The following KCNH8 variants were observed in gnomAD, a reference collection of about 807,000 sequenced individuals.
KCNH8 encodes the protein voltage-gated delayed rectifier potassium channel KCNH8.
A neutral mutation model predicts 103.6 loss-of-function variants in KCNH8; 70 were observed. The ratio of observed to expected loss-of-function variants is 0.68; its 90% CI spans 0.56 to 0.82. KCNH8 has a LOEUF of 0.82. KCNH8 is among the 40% of genes least tolerant of loss of function. The pLI is 0.00. For missense variants in KCNH8, 1,217 were observed against 1,329.9 expected, an observed-to-expected ratio of 0.92 and a Z score of 1.32; for synonymous variants, 498 against 489.4, an observed-to-expected ratio of 1.02 and a Z score of -0.23.
intron 3 of KCNH8, among the ~76,000 whole-genome samples, chr3:19,331,332 G>T (rs1018266850): frequency 6.7e-6 from 1 of 150,192 alleles, no homozygotes; most frequent in African/African-American, 2.5e-5. Flanking sequence ...TTGCTCTGTC[G>T]CCAGGCTGGA....
rs2064672210 is a variant in KCNH8, at chr3:19,276,367, C to T, written c.311-4831C>T. On this transcript the variant is annotated intron_variant, in intron 2 of 15. Coordinates refer to ENST00000328405, the MANE Select transcript of KCNH8 (RefSeq NM_144633.3). Reference sequence around the variant, plus strand: ...ACCTGGAAATGTTTAGGTCACATAACCCTGATGCTCTTAACCCTTGGGATA... The same window carrying T: ...ACCTGGAAATGTTTAGGTCACATAATCCTGATGCTCTTAACCCTTGGGATA... 2.6e-5 allele frequency among the ~76,000 whole-genome samples: 4 copies of T among 151,850 alleles called. No homozygotes were observed. The South Asian group carries it at 8.3e-4, about 31-fold the overall frequency.
intron 5 of KCNH8, among the ~76,000 whole-genome samples, chr3:19,377,198 A>G (rs2066221162): frequency 1.3e-5 from 2 of 152,236 alleles, no homozygotes; most frequent in Non-Finnish European, 1.5e-5. Flanking sequence ...AATAAAAGAT[A>G]TTAGTGGCAA....
chr3:19,499,244 A>G (rs1383517420), intron 11 of KCNH8, among the ~76,000 whole-genome samples: 3 of 152,192 alleles, frequency 2.0e-5, no homozygotes, highest in Non-Finnish European at 4.4e-5. Flanking sequence ...TAGAGAAAAA[A>G]GAATAAAAAG....
rs755377662 is a variant in KCNH8 at position 19,513,106 on chromosome 3, A to G, written c.2216A>G (p.Asn739Ser). ...PICTRGSSSR[N>S]KKVGSNKAYL... is the part of the protein sequence containing the mutation. ...TGCACAAGGGGATCTTCTTCGCGCA[A>G]CAAGAAGGTTGGAAGCAATAAAGCC... Residue 739 changes from asparagine (N) to serine (S), a missense_variant, in exon 13 of 16, where the codon AAC becomes AGC. Physicochemically the swap from Asn to Ser is conservative, Grantham distance 46. Transcript: ENST00000328405. The G allele has an allele frequency of 6.2e-7, 1 of 1,613,906 alleles. No homozygotes were observed. The highest frequency in any genetic ancestry group is 1.1e-5 in the South Asian group (1 of 91,086).
In KCNH8 at chr3:19,301,146, G is replaced by A. The variant is rs537620067; in HGVS notation, c.442+19817G>A. On this transcript the variant is annotated intron_variant, in intron 3 of 15. Coordinates refer to ENST00000328405, the MANE Select transcript of KCNH8 (RefSeq NM_144633.3). ...CTAAAAAGTGGCAAAGCTAGGACTTGAACCCAAGCCCTATTAAGCTTGAGT... is the reference window on the plus strand; with the variant it reads ...CTAAAAAGTGGCAAAGCTAGGACTTAAACCCAAGCCCTATTAAGCTTGAGT... 1.3e-4 allele frequency among the ~76,000 whole-genome samples: 20 copies of A among 151,530 alleles called. No homozygotes were observed. The South Asian group carries it at 1.7e-3, about 13-fold the overall frequency.
chr3:19,334,237 G>A (rs1263057242), intron 3 of KCNH8, among the ~76,000 whole-genome samples: 2 of 152,176 alleles, frequency 1.3e-5, no homozygotes, highest in Middle Eastern at 3.2e-3. Flanking sequence ...TACACTCGCA[G>A]CAGCTATAGA....
At chr3:19,156,997 C>A (rs1035076365) in intron 1 of KCNH8, among the ~76,000 whole-genome samples, 51 of 134,918 alleles carry the variant, frequency 3.8e-4, no homozygotes, top group African/African-American at 1.6e-3. Context: ...AAAAGGTTTT[C>A]TTTTGTTCTA....
intron 6 of KCNH8, among the ~76,000 whole-genome samples, chr3:19,392,501 G>A (rs1440162399): frequency 1.3e-5 from 2 of 151,778 alleles, no homozygotes; most frequent in African/African-American, 4.8e-5. Flanking sequence ...GCTTGTTCAA[G>A]GTATTATGTT....
At chr3:19,258,947 C>CTATATATATATATATATA (rs71055060) in intron 2 of KCNH8, among the ~76,000 whole-genome samples, 26 of 24,794 alleles carry the variant, frequency 1.0e-3, no homozygotes, top group Non-Finnish European at 1.8e-3. Flanking sequence ...CTCTCTCTCT[C>CTATATATATATATATATA]TATATATATA....
At chr3:19,197,308 G>A (rs1016748483) in intron 1 of KCNH8, among the ~76,000 whole-genome samples, 1 of 151,750 alleles carries the variant, frequency 6.6e-6, no homozygotes, top group African/African-American at 2.4e-5. Context: ...TGTTTTCTCG[G>A]ATTTAGTTTT....
chr3:19,310,625 G>A (rs1575516882), intron 3 of KCNH8, among the ~76,000 whole-genome samples: 1 of 151,944 alleles, frequency 6.6e-6, no homozygotes, highest in Middle Eastern at 3.4e-3. Flanking sequence ...CTTTTAAAAT[G>A]AGAATAATAA....
At chr3:19,308,207 A>G (rs1274155984) in intron 3 of KCNH8, among the ~76,000 whole-genome samples, 2 of 151,760 alleles carry the variant, frequency 1.3e-5, no homozygotes, top group South Asian at 2.1e-4. Context: ...AAGAATTGCT[A>G]CTTATATATT....
intron 1 of KCNH8, among the ~76,000 whole-genome samples, chr3:19,211,439 G>A (rs1201050053): frequency 3.3e-5 from 5 of 152,144 alleles, no homozygotes; most frequent in Admixed American, 6.6e-5. Flanking sequence ...AAAAAGGCAG[G>A]ATGGTGTGAA....
chr3:19,346,955 G>C (rs556381276), intron 4 of KCNH8, among the ~76,000 whole-genome samples: 5 of 152,160 alleles, frequency 3.3e-5, no homozygotes, highest in Non-Finnish European at 7.4e-5. Context: ...TGCATTCAAA[G>C]TGAAGTGCTT....
At chr3:19,492,186 G>A (rs1016216770) in intron 11 of KCNH8, among the ~76,000 whole-genome samples, 7 of 151,914 alleles carry the variant, frequency 4.6e-5, no homozygotes, top group Non-Finnish European at 7.4e-5. Flanking sequence ...TAATTAGATC[G>A]GACTTGTCAT....
intron 1 of KCNH8, among the ~76,000 whole-genome samples, chr3:19,218,873 T>C (rs557382723): frequency 2.6e-5 from 4 of 152,286 alleles, no homozygotes; most frequent in African/African-American, 9.6e-5. Context: ...TGTCCAAATT[T>C]CCTCTTTTTA....
chr3:19,200,074 T>C (rs11918685), intron 1 of KCNH8, among the ~76,000 whole-genome samples: 6,672 of 152,154 alleles, frequency 0.044, 523 homozygotes, highest in African/African-American at 0.15. Context: ...TGATTAAAAA[T>C]AAAATTTACT....
At chr3:19,409,429 C>T (rs1235218752) in intron 7 of KCNH8, among the ~76,000 whole-genome samples, 1 of 152,080 alleles carries the variant, frequency 6.6e-6, no homozygotes, top group Non-Finnish European at 1.5e-5. Flanking sequence ...AAGTATACAG[C>T]TCACAGACCC....
chr3:19,503,765 C>A (rs1354974519), intron 11 of KCNH8, among the ~76,000 whole-genome samples: 1 of 114,664 alleles, frequency 8.7e-6, no homozygotes, highest in African/African-American at 3.5e-5. Flanking sequence ...ACATCACACT[C>A]TGGGGACTAT....
Sources: allele counts gnomAD v4.1 joint callset (sites outside exome capture counted in the v4.1 genomes callset), GRCh38; gene constraint gnomAD v4.1.1; transcripts MANE v1.5; gene names NCBI Gene and HGNC (gene_info 2026-07-23, HGNC 2026-07-21).